The following DNAI4 variants were observed in gnomAD, a reference collection of about 807,000 sequenced individuals.
DNAI4 encodes the protein dynein axonemal intermediate chain 4.
In DNAI4, 85 loss-of-function variants were observed where a neutral mutation model predicts 105.8. That is an observed-to-expected ratio of 0.80 (90% CI 0.67 to 0.96). The LOEUF is 0.96. Among genes scored for constraint, DNAI4 ranks in the 40% least tolerant of loss-of-function variants. DNAI4 has a pLI of 0.00. For synonymous variants in DNAI4, 352 were observed against 331.5 expected (o/e 1.06, Z -0.67); for missense variants, 1,014 against 1,005.6 (o/e 1.01, Z -0.11).
At chr1:66,870,082 G>T (rs1646809195) in intron 6 of DNAI4, among the ~76,000 whole-genome samples, 1 of 152,168 alleles carries the variant, frequency 6.6e-6, no homozygotes, top group South Asian at 2.1e-4. Context: ...TTTGCTAGGG[G>T]TTTGTTCTGT....
intron 8 of DNAI4, among the ~76,000 whole-genome samples, chr1:66,846,331 G>C (rs1025184860): frequency 1.4e-4 from 22 of 152,206 alleles, no homozygotes; most frequent in African/African-American, 5.1e-4. Context: ...ATACTATTCT[G>C]TAAACTTTTT....
chr1:66,864,318 C>T (rs1354965746), intron 6 of DNAI4, among the ~76,000 whole-genome samples: 1 of 152,050 alleles, frequency 6.6e-6, no homozygotes, highest in African/African-American at 2.4e-5. Context: ...ATAATTGTGA[C>T]TTCCCAATTT....
At chr1:66,885,084 C>T (rs964310838) in intron 4 of DNAI4, among the ~76,000 whole-genome samples, 22 of 152,092 alleles carry the variant, frequency 1.4e-4, no homozygotes, top group African/African-American at 5.3e-4. Context: ...TCTCTTGAGA[C>T]TTCTTTGGCC....
intron 7 of DNAI4, among the ~76,000 whole-genome samples, chr1:66,848,658 C>G (rs919305066): frequency 6.6e-6 from 1 of 152,098 alleles, no homozygotes; most frequent in Non-Finnish European, 1.5e-5. Context: ...CAAACATAAG[C>G]AGTCTTTGAA....
intron 4 of DNAI4, among the ~76,000 whole-genome samples, chr1:66,880,015 A>G (rs1035219736): frequency 6.6e-6 from 1 of 150,948 alleles, no homozygotes; most frequent in Non-Finnish European, 1.5e-5. Context: ...TTGATAGTGA[A>G]TGAGTCTCAC....
At chr1:66,916,138 T>C (rs558384113) in intron 1 of DNAI4, among the ~76,000 whole-genome samples, 58 of 107,810 alleles carry the variant, frequency 5.4e-4, no homozygotes, top group African/African-American at 1.6e-3. Flanking sequence ...TAAAATAAAA[T>C]GACTGGTTGT....
At chr1:66,876,350 C>G (rs528552606) in intron 4 of DNAI4, among the ~76,000 whole-genome samples, 3 of 152,078 alleles carry the variant, frequency 2.0e-5, no homozygotes, top group Admixed American at 2.0e-4. Flanking sequence ...TGTTAGACCA[C>G]CAGATCTTCC....
chr1:66,863,705 G>T (rs750958269), intron 6 of DNAI4, among the ~76,000 whole-genome samples: 32 of 152,122 alleles, frequency 2.1e-4, no homozygotes, highest in Non-Finnish European at 4.3e-4. Flanking sequence ...TGATCCACCT[G>T]CCTTAGCCTC....
At chr1:66,834,246 G>T in intron 11 of DNAI4, 98 bp from the exon 12 acceptor site, 2 of 894,646 alleles carry the variant, frequency 2.2e-6, no homozygotes, top group Admixed American at 3.7e-5. Flanking sequence ...AGAAGATCAT[G>T]ACCTATTTAT....
rs560145980 is a variant in DNAI4 at position 66,900,650 on chromosome 1, C to T, written c.345+4551G>A. The stretch of plus-strand genomic sequence containing the variant: ...ATTACATTTATTCCTAAGTATTTTA[C>T]TGTTTTTGATGCTATTGTGAAATAA... On this transcript the variant is annotated intron_variant, in intron 2 of 16. Transcript: ENST00000371026. Among the ~76,000 whole-genome samples, 31 of 152,224 alleles carry T rather than the reference C, an allele frequency of 2.0e-4. No individual in the cohort carries two copies. In the East Asian group the frequency reaches 5.6e-3, roughly 27 times the overall value.
intron 16 of DNAI4, among the ~76,000 whole-genome samples, chr1:66,821,091 C>CTTTTTTTTTTTTTTTT (rs55811909): frequency 1.2e-5 from 1 of 80,326 alleles, no homozygotes; most frequent in Non-Finnish European, 2.3e-5. Context: ...AAACATTTCT[C>CTTTTTTTTTTTTTTTT]TTTTTTTTTT....
At chr1:66,873,958 C>T (rs1367515031) in intron 5 of DNAI4, among the ~76,000 whole-genome samples, 3 of 148,670 alleles carry the variant, frequency 2.0e-5, no homozygotes, top group African/African-American at 7.5e-5. Context: ...TTTTATAGTC[C>T]AAACCATATT....
At chr1:66,853,934 C>T (rs973308008) in intron 7 of DNAI4, among the ~76,000 whole-genome samples, 9 of 152,110 alleles carry the variant, frequency 5.9e-5, no homozygotes, top group African/African-American at 2.2e-4. Flanking sequence ...GATACTGTCC[C>T]TAAATGCAGT....
chr1:66,905,181 C>G lies in DNAI4; in HGVS notation c.345+20G>C. On this transcript the variant is annotated intron_variant, in intron 2 of 16. Coordinates refer to ENST00000371026, the MANE Select transcript of DNAI4 (RefSeq NM_024763.5). ...TCACAGTGCCATTTTCAAATAAACT[C>G]AGAATTCTAAGAATATTACCTGTGT... 1.2e-5 allele frequency: 17 copies of G among 1,459,414 alleles called. No homozygotes were observed. Among genetic ancestry groups the G allele is most frequent in the Non-Finnish European group, 1.6e-5 (17 of 1,088,510 alleles). The allele number at this position is 1,459,414 out of a possible 1,614,324, so 90.4% of individuals were successfully genotyped here. A position where few individuals can be genotyped will look rare whatever the true frequency, so the allele number is the denominator to read the frequency against.
intron 4 of DNAI4, among the ~76,000 whole-genome samples, chr1:66,888,461 G>A (rs542625704): frequency 1.2e-4 from 19 of 152,290 alleles, no homozygotes; most frequent in Non-Finnish European, 2.2e-4. Context: ...TTGGGAAGCC[G>A]AGGCAGGCAG....
At chr1:66,837,640 G>A in intron 10 of DNAI4, 70 bp downstream of exon 10, 1 of 1,434,952 alleles carries the variant, frequency 7.0e-7, no homozygotes, top group South Asian at 1.3e-5. Context: ...ATTATTACAT[G>A]TAATTATATA....
At chr1:66,834,850 C>T (rs1645947030) in intron 11 of DNAI4, among the ~76,000 whole-genome samples, 1 of 152,012 alleles carries the variant, frequency 6.6e-6, no homozygotes, top group Non-Finnish European at 1.5e-5. Flanking sequence ...GGACCCTCTT[C>T]CCAGAAACAA....
chr1:66,917,048 TTAAGA>T (rs1650122289), intron 1 of DNAI4, among the ~76,000 whole-genome samples: 1 of 152,232 alleles, frequency 6.6e-6, no homozygotes, highest in African/African-American at 2.4e-5. Context: ...AATTAATCCT[TTAAGA>T]TATTAGGTCC....
Position 66,827,851 on chromosome 1 carries a change from T to C in DNAI4, c.2073A>G (p.Ser691=), listed in dbSNP as rs1645787698. 2 of 1,607,656 alleles carry C rather than the reference T, an allele frequency of 1.2e-6. No homozygotes were observed. Among genetic ancestry groups the C allele is most frequent in the Non-Finnish European group, 1.7e-6 (2 of 1,177,118 alleles). Residue 691 remains serine, a synonymous_variant, in exon 14 of 17, where the codon TCA becomes TCG. Transcript: ENST00000371026. ...AGGTATCTAAGTATTGTTCATTATA[T>C]GAACAAGAACATTTGTGAATATGAC... ...EEGHIHKCSC[S]YNEQYLDTYR...
Sources: allele counts gnomAD v4.1 joint callset (sites outside exome capture counted in the v4.1 genomes callset), GRCh38; gene constraint gnomAD v4.1.1; transcripts MANE v1.5; gene names NCBI Gene and HGNC (gene_info 2026-07-23, HGNC 2026-07-21).